The following PHF3 variants were observed in gnomAD, a reference collection of about 807,000 sequenced individuals.
The protein encoded by PHF3 is PHD finger protein 3.
Under a neutral mutation model 178.4 loss-of-function variants are expected in PHF3, and 41 were observed. The observed-to-expected ratio is 0.23, with a 90% CI of 0.18 to 0.30. The LOEUF (loss-of-function observed/expected upper bound fraction) is 0.30, where lower values mean the gene tolerates loss of function less well. PHF3 is among the 10% of genes least tolerant of loss of function. The pLI, the probability that PHF3 is intolerant of heterozygous loss-of-function variation, is 1.00. For synonymous variants in PHF3, 842 were observed against 800.5 expected, an observed-to-expected ratio of 1.05 and a Z score of -0.88; for missense variants, 2,346 against 2,398.1, an observed-to-expected ratio of 0.98 and a Z score of 0.45.
At chr6:63,699,830 C>G (rs1464586708) in intron 8 of PHF3, among the ~76,000 whole-genome samples, 1 of 152,126 alleles carries the variant, frequency 6.6e-6, no homozygotes, top group East Asian at 1.9e-4. Flanking sequence ...ACCTTGTGAT[C>G]CTCCTGACTT....
Position 63,685,442 on chromosome 6 carries a change from T to C in PHF3, c.1720T>C (p.Ser574Pro). Residue 574 changes from serine to proline, a missense_variant, in exon 4 of 16, where the codon TCT becomes CCT. This residue lies in a region of PHF3 where 843 missense variants were observed against 795.2 expected (regional missense o/e 1.06). Coordinates refer to ENST00000262043, the MANE Select transcript of PHF3 (RefSeq NM_001370348.2). Reference protein sequence around the residue: ...GVKSVKNQAHSVLKKTLQDQT... With the variant: ...GVKSVKNQAHPVLKKTLQDQT... ...TAAATCTGTGAAAAACCAAGCTCATTCTGTACTGAAAAAAACATTACAGGA... is the reference window on the plus strand; with the variant it reads ...TAAATCTGTGAAAAACCAAGCTCATCCTGTACTGAAAAAAACATTACAGGA... 1 of 1,614,064 alleles carries C rather than the reference T, an allele frequency of 6.2e-7. No individual in the cohort carries two copies. Among genetic ancestry groups the C allele is most frequent in the African/African-American group, 1.3e-5 (1 of 75,042 alleles).
Position 63,715,133 on chromosome 6 carries a change from CAG to C in PHF3, c.*1427_*1428del, listed in dbSNP as rs879534241. On this transcript the variant is annotated 3_prime_UTR_variant, in exon 16 of 16. Coordinates refer to ENST00000262043, the MANE Select transcript of PHF3 (RefSeq NM_001370348.2). ...TTAGAGTTAAAAATTGGTTTTGAAA[CAG>C]AATTATCCTTGTTATTTTTGCTGGA... 1.3e-5 allele frequency: 2 copies of C among 152,062 alleles called. No individual in the cohort carries two copies. Among genetic ancestry groups the C allele is most frequent in the Admixed American group, 1.3e-4 (2 of 15,236 alleles). 9.4% of individuals were successfully genotyped at this position (152,062 alleles called of 1,614,324 possible).
In PHF3 at chr6:63,713,288, T is replaced by C. The variant is rs1465838313; in HGVS notation, c.5700T>C (p.Pro1900=). 2 of 1,614,008 alleles carry C rather than the reference T, an allele frequency of 1.2e-6. No homozygotes were observed. Among genetic ancestry groups the C allele is most frequent in the Non-Finnish European group, 1.7e-6 (2 of 1,179,976 alleles). ...IRRPERRHSD[P]WGRQDQQQLD... is the part of the protein sequence containing the mutation. The stretch of plus-strand genomic sequence containing the variant: ...GGCCAGAAAGGCGCCATAGTGACCC[T>C]TGGGGTAGGCAAGACCAACAGCAAC... Residue 1900 remains proline (P), a synonymous_variant, in exon 16 of 16, where the codon CCT becomes CCC. Transcript: ENST00000262043.
At chr6:63,668,244 A>G (rs1765761809) in intron 2 of PHF3, among the ~76,000 whole-genome samples, 1 of 152,234 alleles carries the variant, frequency 6.6e-6, no homozygotes, top group Non-Finnish European at 1.5e-5. Context: ...TTTCAGAGTT[A>G]GGAGTTGGAG....
At position 63,685,905 on chromosome 6, in the gene PHF3, G is replaced by A; in HGVS notation, c.2183G>A (p.Gly728Asp). Residue 728 changes from glycine (G) to aspartate (D), a missense_variant, in exon 4 of 16, where the codon GGC becomes GAC. Physicochemically the swap from Gly to Asp is moderately conservative, Grantham distance 94 (BLOSUM62 -1). Transcript: ENST00000262043. ...KQCGFCKKPH[G>D]NRFMVGCGRC... ...TGTGGGTTTTGCAAAAAACCACATG[G>A]CAACAGGTGTGTGTGTATGTGTGTA... 1 of 1,609,860 alleles carries A rather than the reference G, an allele frequency of 6.2e-7. No individual in the cohort carries two copies. The highest frequency in any genetic ancestry group is 8.5e-7 in the Non-Finnish European group (1 of 1,178,416).
intron 14 of PHF3, among the ~76,000 whole-genome samples, chr6:63,710,233 T>C (rs1006642005): frequency 6.6e-6 from 1 of 152,204 alleles, no homozygotes; most frequent in African/African-American, 2.4e-5. Context: ...AGTATTACTC[T>C]TGGGCATTTT....
rs755664039 is a variant in PHF3 at position 63,691,886 on chromosome 6, T to C, written c.2339T>C (p.Leu780Pro). 1 of 1,613,554 alleles carries C rather than the reference T, an allele frequency of 6.2e-7. No individual in the cohort carries two copies. Among genetic ancestry groups the C allele is most frequent in the Non-Finnish European group, 8.5e-7 (1 of 1,179,840 alleles). ...GAAGAAGACAAAAAGACTGAAATAC[T>C]AGATCCAGATACTTTGGAAAACCAA... The part of the protein sequence containing the change: ...CAEEDKKTEI[L>P]DPDTLENQAT... Residue 780 changes from leucine to proline, a missense_variant, in exon 5 of 16, where the codon CTA becomes CCA. Around this residue, in one of 8 missense-constraint regions of PHF3, gnomAD observed 252 missense variants for 232.0 expected, o/e 1.09. Transcript: ENST00000262043.
At position 63,713,374 on chromosome 6, in the gene PHF3, A is replaced by T; in HGVS notation, c.5786A>T (p.His1929Leu). The change falls in exon 16 of 16, where the codon CAT becomes CTT. Residue 1929 changes from histidine to leucine, a missense_variant. His to Leu is a moderately conservative substitution (Grantham distance 99). Coordinates refer to ENST00000262043, the MANE Select transcript of PHF3 (RefSeq NM_001370348.2). ...DRQRFYSDSH[H>L]LKRERHEKEW... ...CAGAGATTTTATAGTGATTCACACC[A>T]TTTGAAAAGAGAGCGACATGAAAAG... 6.2e-7 allele frequency: 1 copy of T among 1,614,090 alleles called. No individual in the cohort carries two copies. The highest frequency in any genetic ancestry group is 8.5e-7 in the Non-Finnish European group (1 of 1,179,966).
chr6:63,688,395 G>T, intron 4 of PHF3, among the ~76,000 whole-genome samples: 1 of 133,096 alleles, frequency 7.5e-6, no homozygotes, highest in African/African-American at 2.9e-5. Flanking sequence ...GAGAGCAGTG[G>T]TGTGATCTTG....
intron 2 of PHF3, 85 bp from the exon 3 acceptor site, chr6:63,679,915 A>T: frequency 9.5e-7 from 1 of 1,057,480 alleles, no homozygotes. Context: ...CATTAAGACT[A>T]TCTCACAGTA....
Position 63,658,706 on chromosome 6 carries a change from TTTTGTGTGTGTGTGTG to T in PHF3, c.244+11913_244+11928del, listed in dbSNP as rs1182518001. ...TTTCCAGAGAAACAGAACCAATAGA[TTTTGTGTGTGTGTGTG>T]TGTGTGTGTGTGTGTGTGTGTGTGT... On this transcript the variant is annotated intron_variant, in intron 2 of 15. Coordinates refer to ENST00000262043, the MANE Select transcript of PHF3 (RefSeq NM_001370348.2). Among the ~76,000 whole-genome samples, 6 of 119,548 alleles carry T rather than the reference TTTTGTGTGTGTGTGTG, an allele frequency of 5.0e-5. No homozygotes were observed. The East Asian group carries it at 1.5e-3, about 30-fold the overall frequency. The allele number at this position is 119,548 out of a possible 152,430, so 78.4% of individuals were successfully genotyped here.
At chr6:63,697,177 G>A (rs925396917) in intron 6 of PHF3, among the ~76,000 whole-genome samples, 1 of 152,166 alleles carries the variant, frequency 6.6e-6, no homozygotes, top group Non-Finnish European at 1.5e-5. Context: ...GTATTTATCA[G>A]AAAGGTAAAG....
At position 63,672,655 on chromosome 6, in the gene PHF3, G is replaced by A. The variant is rs62412947; in HGVS notation, c.245-7345G>A. Reference sequence around the variant, plus strand: ...GTGGTTACATGATAGGATATCTACTGTTAAAGCAAACTAAATATGCCTGAG... The same window carrying A: ...GTGGTTACATGATAGGATATCTACTATTAAAGCAAACTAAATATGCCTGAG... On this transcript the variant is annotated intron_variant, in intron 2 of 15. Transcript: ENST00000262043. Among the ~76,000 whole-genome samples the A allele has an allele frequency of 1.4e-3, 212 of 152,276 alleles. 2 individuals are homozygous for A. The highest frequency in any genetic ancestry group is 4.9e-3 in the African/African-American group (202 of 41,546).
Position 63,725,178 on chromosome 6 carries a change from A to G in PHF3, c.*11470A>G, listed in dbSNP as rs918150688. Among the ~76,000 whole-genome samples the G allele has an allele frequency of 6.6e-6, 1 of 152,142 alleles. No homozygotes were observed. The highest frequency in any genetic ancestry group is 6.5e-5 in the Admixed American group (1 of 15,272). Reference sequence around the variant, plus strand: ...ATGCAGCATCAATCGTGTGAAACTAATGAATCTCTGTAAGTAGTGTCTGAT... The same window carrying G: ...ATGCAGCATCAATCGTGTGAAACTAGTGAATCTCTGTAAGTAGTGTCTGAT... On this transcript the variant is annotated 3_prime_UTR_variant, in exon 16 of 16. Coordinates refer to ENST00000262043, the MANE Select transcript of PHF3 (RefSeq NM_001370348.2).
chr6:63,648,982 A>G (rs1764905417), intron 2 of PHF3, among the ~76,000 whole-genome samples: 1 of 152,168 alleles, frequency 6.6e-6, no homozygotes, highest in Non-Finnish European at 1.5e-5. Context: ...TTGGGTCAGT[A>G]AAAGGCCCAC....
chr6:63,710,320 C>T (rs1767871631), intron 14 of PHF3, among the ~76,000 whole-genome samples: 1 of 152,126 alleles, frequency 6.6e-6, no homozygotes, highest in African/African-American at 2.4e-5. Context: ...GATTTAAACA[C>T]TCTGTAATAG....
intron 3 of PHF3, among the ~76,000 whole-genome samples, chr6:63,680,827 A>T (rs1766403935): frequency 6.6e-6 from 1 of 152,000 alleles, no homozygotes; most frequent in Non-Finnish European, 1.5e-5. Flanking sequence ...ATCCCCTCTT[A>T]TGTAGACAGA....
rs527236067 is a variant in PHF3, at chr6:63,721,226, G to T, written c.*7518G>T. The T allele has an allele frequency of 4.3e-5, 66 of 1,551,654 alleles. No homozygotes were observed. The East Asian group carries it at 1.6e-3, about 37-fold the overall frequency. On this transcript the variant is annotated 3_prime_UTR_variant, in exon 16 of 16. Coordinates refer to ENST00000262043, the MANE Select transcript of PHF3 (RefSeq NM_001370348.2). ...CCCAACCCAAAGTACACAGGCAACTGTAAGAAAATGATTGGTCAGGTATAC... is the reference window on the plus strand; with the variant it reads ...CCCAACCCAAAGTACACAGGCAACTTTAAGAAAATGATTGGTCAGGTATAC...
At chr6:63,688,185 CAA>C (rs1212338768) in intron 4 of PHF3, among the ~76,000 whole-genome samples, 1 of 62,164 alleles carries the variant, frequency 1.6e-5, no homozygotes. Context: ...GACTCCGTCT[CAA>C]AAAAAAAAAA....
Sources: allele counts gnomAD v4.1 joint callset (sites outside exome capture counted in the v4.1 genomes callset), GRCh38; gene constraint gnomAD v4.1.1; regional missense constraint gnomAD v4.1.1; transcripts MANE v1.5; gene names NCBI Gene and HGNC (gene_info 2026-07-23, HGNC 2026-07-21).